SPDYA: variants seen among roughly 807,000 people sequenced by gnomAD.
SPDYA encodes the protein speedy/RINGO cell cycle regulator family member A, also known as speedy protein A.
Under a neutral mutation model 36.7 loss-of-function variants are expected in SPDYA, and 11 were observed. The observed-to-expected ratio is 0.30, with a 90% CI of 0.19 to 0.50. SPDYA has a LOEUF of 0.50. SPDYA is among the 20% of genes least tolerant of loss of function. SPDYA has a pLI of 0.98. For missense variants in SPDYA, 287 were observed against 370.9 expected (o/e 0.77, Z 1.86); for synonymous variants, 115 against 118.7 (o/e 0.97, Z 0.20).
chr2:28,843,598 C>CT (rs993287600), intron 7 of SPDYA, among the ~76,000 whole-genome samples: 20 of 144,806 alleles, frequency 1.4e-4, no homozygotes, highest in African/African-American at 2.3e-4. Flanking sequence ...ATGAAGCATT[C>CT]TTTTTTTTTT....
intron 6 of SPDYA, among the ~76,000 whole-genome samples, chr2:28,834,187 C>A (rs922194115): frequency 6.6e-6 from 1 of 152,000 alleles, no homozygotes; most frequent in Non-Finnish European, 1.5e-5. Flanking sequence ...TTACTTCACA[C>A]CCACTATGAT....
chr2:28,812,598 T>C (rs1667874270), intron 1 of SPDYA, among the ~76,000 whole-genome samples: 1 of 152,092 alleles, frequency 6.6e-6, no homozygotes, highest in African/African-American at 2.4e-5. Flanking sequence ...GTCTCACGCC[T>C]GTAATCCCAG....
chr2:28,821,224 G>C (rs1360390063), intron 4 of SPDYA, among the ~76,000 whole-genome samples: 1 of 128,606 alleles, frequency 7.8e-6, no homozygotes, highest in Non-Finnish European at 1.6e-5. Flanking sequence ...TTTTGAGATG[G>C]AGTCTCACTC....
chr2:28,849,151 GA>G (rs1572522902), intron 7 of SPDYA, among the ~76,000 whole-genome samples: 1 of 152,196 alleles, frequency 6.6e-6, no homozygotes, highest in Non-Finnish European at 1.5e-5. Context: ...TGGATAACCT[GA>G]AAGATAAGTT....
chr2:28,819,513 A>T (rs1250296825), intron 4 of SPDYA, among the ~76,000 whole-genome samples: 1 of 152,182 alleles, frequency 6.6e-6, no homozygotes, highest in Non-Finnish European at 1.5e-5. Flanking sequence ...GTCTCTAAAC[A>T]AATTAATTAA....
At chr2:28,827,454 T>A (rs192693329) in intron 5 of SPDYA, among the ~76,000 whole-genome samples, 2 of 152,346 alleles carry the variant, frequency 1.3e-5, no homozygotes, top group African/African-American at 4.8e-5. Flanking sequence ...ATTCTTACTT[T>A]CTGTGTCTGT....
chr2:28,814,090 T>C (rs1306375394), intron 1 of SPDYA, among the ~76,000 whole-genome samples: 1 of 152,194 alleles, frequency 6.6e-6, no homozygotes, highest in Non-Finnish European at 1.5e-5. Flanking sequence ...GAGGAGCAAT[T>C]AGATAAGTAT....
At chr2:28,826,685 G>C (rs1199616703) in intron 5 of SPDYA, among the ~76,000 whole-genome samples, 4 of 115,352 alleles carry the variant, frequency 3.5e-5, no homozygotes, top group Non-Finnish European at 3.3e-5. Flanking sequence ...TGTGATCTCA[G>C]CTCACTGCGA....
intron 6 of SPDYA, among the ~76,000 whole-genome samples, chr2:28,830,165 C>T (rs1668444479): frequency 6.9e-6 from 1 of 145,360 alleles, no homozygotes; most frequent in African/African-American, 2.5e-5. Flanking sequence ...ATTGTCATTT[C>T]TATTTTTCAG....
At position 28,849,975 on chromosome 2, in the gene SPDYA, C is replaced by T. The variant is rs763699730; in HGVS notation, c.*34C>T. On this transcript the variant is annotated 3_prime_UTR_variant, in exon 8 of 8. Coordinates refer to ENST00000334056, the MANE Select transcript of SPDYA (RefSeq NM_182756.4). ...AACTAAACCAATTTGGAATCATTAA[C>T]TACAAAATGTCAAACTAACTGCAAG... 6.8e-7 allele frequency: 1 copy of T among 1,478,014 alleles called. No individual in the cohort carries two copies. 91.6% of individuals were successfully genotyped at this position (1,478,014 alleles called of 1,614,324 possible).
Position 28,810,928 on chromosome 2 carries a change from G to T in SPDYA, c.-112G>T, listed in dbSNP as rs965111588. 6.6e-6 allele frequency: 1 copy of T among 152,214 alleles called. No homozygotes were observed. The highest frequency in any genetic ancestry group is 2.4e-5 in the African/African-American group (1 of 41,438). The allele number at this position is 152,214 out of a possible 1,614,324, so 9.4% of individuals were successfully genotyped here. A position where few individuals can be genotyped will look rare whatever the true frequency, so the allele number is the denominator to read the frequency against. ...CCGCCGTTGCCCGGCCCTCTCCCGC[G>T]CAGCCCCGGGCTTCCGCAGGTACCT... On this transcript the variant is annotated 5_prime_UTR_variant, in exon 1 of 8. Coordinates refer to ENST00000334056, the MANE Select transcript of SPDYA (RefSeq NM_182756.4).
intron 4 of SPDYA, among the ~76,000 whole-genome samples, chr2:28,819,994 G>A (rs1327168822): frequency 1.3e-5 from 2 of 149,464 alleles, no homozygotes; most frequent in Non-Finnish European, 3.0e-5. Context: ...CTGGGTGACA[G>A]AGCCAGACCC....
chr2:28,812,280 C>G (rs959054497), intron 1 of SPDYA, among the ~76,000 whole-genome samples: 1 of 152,106 alleles, frequency 6.6e-6, no homozygotes. Context: ...GAAGTTAAGG[C>G]TTACTTGCCT....
intron 5 of SPDYA, among the ~76,000 whole-genome samples, chr2:28,824,707 C>T (rs943457035): frequency 2.0e-5 from 3 of 151,760 alleles, no homozygotes; most frequent in East Asian, 1.9e-4. Flanking sequence ...CCACCACGCC[C>T]GGCTAATTTT....
intron 4 of SPDYA, among the ~76,000 whole-genome samples, chr2:28,821,197 C>CTTTTTTT (rs11464702): frequency 3.5e-3 from 343 of 98,838 alleles, no homozygotes; most frequent in East Asian, 0.015. Context: ...TTTTCTTTTT[C>CTTTTTTT]TTTTTTTTTT....
In SPDYA at chr2:28,816,202, GTCTGGT is replaced by G; in HGVS notation, c.190_195del (p.Leu64_Val65del). On this transcript the variant is annotated inframe_deletion, in exon 3 of 8. Coordinates refer to ENST00000334056, the MANE Select transcript of SPDYA (RefSeq NM_182756.4). ...AAATCTAAACGCCCCAAAGGACCTT[GTCTGGT>G]TATACAGCGTCAGGATATGACTGCT... The G allele has an allele frequency of 6.2e-7, 1 of 1,613,872 alleles. No homozygotes were observed. The highest frequency in any genetic ancestry group is 8.5e-7 in the Non-Finnish European group (1 of 1,179,920).
intron 1 of SPDYA, 100 bp from the exon 2 acceptor site, chr2:28,814,513 G>C (rs1667936241): frequency 6.6e-6 from 1 of 152,112 alleles, no homozygotes; most frequent in Non-Finnish European, 1.5e-5. Context: ...TATCTGTTTT[G>C]TTTTGTAAGG....
intron 6 of SPDYA, among the ~76,000 whole-genome samples, chr2:28,836,156 G>A (rs1417964919): frequency 1.3e-5 from 2 of 152,120 alleles, no homozygotes; most frequent in African/African-American, 2.4e-5. Flanking sequence ...GGGGGTGGTG[G>A]CATCCTCATT....
At chr2:28,829,483 T>C (rs576675194) in intron 6 of SPDYA, among the ~76,000 whole-genome samples, 164 bp downstream of exon 6, 1 of 152,050 alleles carries the variant, frequency 6.6e-6, no homozygotes, top group South Asian at 2.1e-4. Flanking sequence ...ACTTGTGTAT[T>C]ACAATGTTGC....
Sources: gnomAD v4.1 joint callset for allele counts (sites outside exome capture counted in the v4.1 genomes callset) on GRCh38, gnomAD v4.1.1 for gene constraint, MANE v1.5 for transcripts, NCBI Gene and HGNC (gene_info 2026-07-23, HGNC 2026-07-21) for gene names.